Variants in TNFSF18 observed in about 807,000 individuals in gnomAD.
TNFSF18 encodes tumor necrosis factor ligand superfamily member 18.
Under a neutral mutation model 9.6 loss-of-function variants are expected in TNFSF18, and 6 were observed. The observed-to-expected ratio is 0.63, with a 90% CI of 0.34 to 1.24. TNFSF18 has a LOEUF of 1.24. TNFSF18 is among the 50% of genes most tolerant of loss of function. TNFSF18 has a pLI of 0.03. For missense variants in TNFSF18, 210 were observed against 201.0 expected (o/e 1.04, Z -0.27); for synonymous variants, 68 against 71.7 (o/e 0.95, Z 0.26).
chr1:173,045,633 T>TTTG (rs142244941), intron 1 of TNFSF18, among the ~76,000 whole-genome samples: 4,925 of 151,216 alleles, frequency 0.033, 98 homozygotes, highest in South Asian at 0.084. Flanking sequence ...AAAGAGGTTT[T>TTTG]TTGTTGTTGT....
chr1:173,050,653 A>G lies in TNFSF18; in HGVS notation c.156+88T>C. The G allele has an allele frequency of 3.5e-6, 3 of 858,086 alleles. No homozygotes were observed. In the South Asian group the frequency reaches 5.4e-5, roughly 15 times the overall value. The allele number at this position is 858,086 out of a possible 1,614,324, so 53.2% of individuals were successfully genotyped here. On this transcript the variant is annotated intron_variant, in intron 1 of 2. Coordinates refer to ENST00000404377, the MANE Select transcript of TNFSF18 (RefSeq NM_005092.4). ...TCTCTTCCTTCCAACTATTGCTAAC[A>G]ATACTGAGTGACAATGATAACAACT... is the stretch of plus-strand genomic sequence containing the variant.
intron 2 of TNFSF18, among the ~76,000 whole-genome samples, chr1:173,042,070 G>A (rs2101926008): frequency 6.6e-6 from 1 of 152,310 alleles, no homozygotes; most frequent in African/African-American, 2.4e-5. Context: ...TTGAAAACCA[G>A]GGTTGGCAGT....
At chr1:173,043,800 C>T (rs1557845003) in intron 2 of TNFSF18, 139 bp downstream of exon 2, 1 of 824,892 alleles carries the variant, frequency 1.2e-6, no homozygotes, top group East Asian at 2.5e-5. Flanking sequence ...TGGGCAACTG[C>T]CCAGTACATG....
chr1:173,041,659 T>A lies in TNFSF18; in HGVS notation c.242A>T (p.Lys81Met). The A allele has an allele frequency of 6.2e-7, 1 of 1,613,366 alleles. No homozygotes were observed. The highest frequency in any genetic ancestry group is 1.1e-5 in the South Asian group (1 of 90,998). Reference sequence around the variant, plus strand: ...TATCTCCAGCTTCCAGTCAGACACCTTATTCACGCAAGGAGGTTCAGAAGA... The same window carrying A: ...TATCTCCAGCTTCCAGTCAGACACCATATTCACGCAAGGAGGTTCAGAAGA... The part of the protein sequence containing the change: ...MASSEPPCVN[K>M]VSDWKLEILQ... The change falls in exon 3 of 3, where the codon AAG becomes ATG. Residue 81 changes from lysine (K) to methionine (M), a missense_variant. Transcript: ENST00000404377.
Position 173,041,478 on chromosome 1 carries a change from T to A in TNFSF18, c.423A>T (p.Glu141Asp). 1 of 1,613,604 alleles carries A rather than the reference T, an allele frequency of 6.2e-7. No homozygotes were observed. The highest frequency in any genetic ancestry group is 8.5e-7 in the Non-Finnish European group (1 of 1,179,630). ...AGTCTATGGTGTCCCCAACATGCAA[T>A]TCATAAGTCCCTCCTACATTTTGGA... ...SKIQNVGGTY[E>D]LHVGDTIDLI... Residue 141 changes from glutamate to aspartate, a missense_variant, in exon 3 of 3, where the codon GAA becomes GAT. Coordinates refer to ENST00000404377, the MANE Select transcript of TNFSF18 (RefSeq NM_005092.4).
chr1:173,039,509 T>C lies in TNFSF18; in HGVS notation c.*1858A>G, dbSNP rs1310455740. ...CAGTGGTGTGCTGGTGAACTAGCTG[T>C]CCAAAAGGAAAATGTGTAGTGTTTG... is the stretch of plus-strand genomic sequence containing the variant. On this transcript the variant is annotated 3_prime_UTR_variant, in exon 3 of 3. Transcript: ENST00000404377. Among the ~76,000 whole-genome samples, 2 of 152,148 alleles carry C rather than the reference T, an allele frequency of 1.3e-5. No homozygotes were observed. The highest frequency in any genetic ancestry group is 3.9e-4 in the East Asian group (2 of 5,186).
intron 2 of TNFSF18, 85 bp from the exon 3 acceptor site, chr1:173,041,798 ACCACATACATGTTG>A: frequency 9.1e-7 from 1 of 1,093,014 alleles, no homozygotes. Context: ...TTAATTATTT[ACCACATACATGTTG>A]TTTCTTTACC....
At chr1:173,041,820 A>AATGAT in intron 2 of TNFSF18, 107 bp from the exon 3 acceptor site, 1 of 920,846 alleles carries the variant, frequency 1.1e-6, no homozygotes, top group South Asian at 2.4e-5. Context: ...TTGTTTCTTT[A>AATGAT]CCTGATCTAC....
At chr1:173,048,677 A>C (rs916225215) in intron 1 of TNFSF18, among the ~76,000 whole-genome samples, 4 of 152,308 alleles carry the variant, frequency 2.6e-5, no homozygotes, top group South Asian at 2.1e-4. Flanking sequence ...AAAGTGTTAC[A>C]CTTTCTTTTA....
rs753791989 is a variant in TNFSF18, at chr1:173,050,729, T to C, written c.156+12A>G. On this transcript the variant is annotated intron_variant, in intron 1 of 2. Coordinates refer to ENST00000404377, the MANE Select transcript of TNFSF18 (RefSeq NM_005092.4). ...TAGCAAATAGTAACCTTAGGTACAA[T>C]TGCCTCCTTACCTCTAATTGGAGAA... 4 of 1,558,328 alleles carry C rather than the reference T, an allele frequency of 2.6e-6. No individual in the cohort carries two copies. Among genetic ancestry groups the C allele is most frequent in the East Asian group, 4.5e-5 (2 of 44,052 alleles).
chr1:173,041,219 G>C lies in TNFSF18; in HGVS notation c.*148C>G. On this transcript the variant is annotated 3_prime_UTR_variant, in exon 3 of 3. Transcript: ENST00000404377. ...CCCTGAGTCTCTTTCAGATAGGCAT[G>C]ATAGATGAAAATTCACGTGCAGAGG... The C allele has an allele frequency of 1.5e-6, 1 of 658,612 alleles. No individual in the cohort carries two copies. Among genetic ancestry groups the C allele is most frequent in the Non-Finnish European group, 2.5e-6 (1 of 398,018 alleles). 40.8% of individuals were successfully genotyped at this position (658,612 alleles called of 1,614,324 possible).
intron 1 of TNFSF18, among the ~76,000 whole-genome samples, chr1:173,047,143 G>A (rs147234516): frequency 6.6e-5 from 10 of 151,994 alleles, no homozygotes; most frequent in African/African-American, 1.7e-4. Flanking sequence ...CAATCTACCC[G>A]CCTCAGCCTC....
Position 173,041,033 on chromosome 1 carries a change from AG to A in TNFSF18, c.*333del, listed in dbSNP as rs1200867554. On this transcript the variant is annotated 3_prime_UTR_variant, in exon 3 of 3. Coordinates refer to ENST00000404377, the MANE Select transcript of TNFSF18 (RefSeq NM_005092.4). ...CTGCCCCAGATCCTTTTTGCATACC[AG>A]GTAAATCTTCCATGGGAATAGAACT... 7 of 187,948 alleles carry A rather than the reference AG, an allele frequency of 3.7e-5. No individual in the cohort carries two copies. Among genetic ancestry groups the A allele is most frequent in the African/African-American group, 1.4e-4 (6 of 42,808 alleles). 11.6% of individuals were successfully genotyped at this position (187,948 alleles called of 1,614,324 possible). A position where few individuals can be genotyped will look rare whatever the true frequency, so the allele number is the denominator to read the frequency against.
Position 173,041,376 on chromosome 1 carries a change from G to A in TNFSF18, c.525C>T (p.Phe175=). The A allele has an allele frequency of 6.2e-7, 1 of 1,605,076 alleles. No individual in the cohort carries two copies. The highest frequency in any genetic ancestry group is 1.1e-5 in the South Asian group (1 of 89,426). ...WGIILLANPQ[F]IS ...AGATCAAATCAAGTCTCTAGGAGAT[G>A]AATTGGGGATTTGCTAGTAAAATGA... Residue 175 remains phenylalanine (F), a synonymous_variant, in exon 3 of 3, where the codon TTC becomes TTT. Transcript: ENST00000404377.
Position 173,041,586 on chromosome 1 carries a change from TGCATTGGGA to T in TNFSF18, c.306_314del (p.Pro103_Ala105del). The T allele has an allele frequency of 6.2e-7, 1 of 1,613,616 alleles. No homozygotes were observed. ...CAAAAGGAGCTACATCATTGTAGTTTGCATTGGGAGCCACTTGGCCATAAATTAAATATA... is the reference window on the plus strand; with the variant it reads ...CAAAAGGAGCTACATCATTGTAGTTTGCCACTTGGCCATAAATTAAATATA... On this transcript the variant is annotated inframe_deletion, in exon 3 of 3. Transcript: ENST00000404377.
chr1:173,045,543 T>C (rs1665066646), intron 1 of TNFSF18, among the ~76,000 whole-genome samples: 1 of 152,034 alleles, frequency 6.6e-6, no homozygotes, highest in South Asian at 2.1e-4. Context: ...TAAGGGTAAA[T>C]GGGACAAGAG....
Position 173,050,772 on chromosome 1 carries a change from C to A in TNFSF18, c.125G>T (p.Ser42Ile). The A allele has an allele frequency of 6.2e-7, 1 of 1,611,322 alleles. No homozygotes were observed. The highest frequency in any genetic ancestry group is 8.5e-7 in the Non-Finnish European group (1 of 1,178,714). ...IVMLLFLCSFSWLIFIFLQLE... is the reference protein window; with the variant it reads ...IVMLLFLCSFIWLIFIFLQLE... ...TTGGAGAAAAATAAAGATTAGCCAA[C>A]TGAAGGAGCAAAGAAATAGCAACAT... Residue 42 changes from serine to isoleucine, a missense_variant, in exon 1 of 3, where the codon AGT becomes ATT. By Grantham distance (142) the Ser-to-Ile change is moderately radical (BLOSUM62 -2). Transcript: ENST00000404377.
chr1:173,046,253 TAGAG>T (rs375327561), intron 1 of TNFSF18, among the ~76,000 whole-genome samples: 4 of 152,148 alleles, frequency 2.6e-5, no homozygotes, highest in South Asian at 2.1e-4. Flanking sequence ...ATAATGAAGA[TAGAG>T]AGAAGCAAGT....
Position 173,050,877 on chromosome 1 carries a change from T to C in TNFSF18, c.20A>G (p.Glu7Gly), listed in dbSNP as rs758451482. Residue 7 changes from glutamate to glycine, a missense_variant, in exon 1 of 3, where the codon GAA (glutamate) becomes GGA (glycine). Coordinates refer to ENST00000404377, the MANE Select transcript of TNFSF18 (RefSeq NM_005092.4). Reference protein sequence around the residue: MCLSHLENMPLSHSRTQ... With the variant: MCLSHLGNMPLSHSRTQ... ...TCTTGAATGGCTTAAAGGCATATTTTCCAAGTGGCTCAAACACATTTTTGG... is the reference window on the plus strand; with the variant it reads ...TCTTGAATGGCTTAAAGGCATATTTCCCAAGTGGCTCAAACACATTTTTGG... The C allele has an allele frequency of 8.7e-6, 14 of 1,613,868 alleles. No homozygotes were observed. The East Asian group carries it at 2.9e-4, about 33-fold the overall frequency.
Sources: allele counts gnomAD v4.1 joint callset (sites outside exome capture counted in the v4.1 genomes callset), GRCh38; gene constraint gnomAD v4.1.1; transcripts MANE v1.5; gene names NCBI Gene and HGNC (gene_info 2026-07-23, HGNC 2026-07-21).